The following CYP7B1 variants were observed in gnomAD, a reference collection of about 807,000 sequenced individuals.
The protein encoded by CYP7B1 is cytochrome P450 family 7 subfamily B member 1.
CYP7B1 carries 29 observed loss-of-function variants against 42.7 expected under a neutral mutation model. That is an observed-to-expected ratio of 0.68 (90% CI 0.51 to 0.93). The LOEUF (loss-of-function observed/expected upper bound fraction) is 0.93. Ranked by LOEUF, CYP7B1 falls within the 40% of genes least tolerant of loss-of-function variation. The pLI is 0.00. For missense variants in CYP7B1, 655 were observed against 600.5 expected (o/e 1.09, Z -0.95); for synonymous variants, 235 against 218.2 (o/e 1.08, Z -0.68).
At chr8:64,718,233 C>A (rs775925379) in intron 1 of CYP7B1, among the ~76,000 whole-genome samples, 9 of 151,952 alleles carry the variant, frequency 5.9e-5, no homozygotes, top group South Asian at 4.2e-4. Flanking sequence ...ATCATTAGCC[C>A]AAGAGTCAAT....
At chr8:64,640,521 T>G (rs756375411) in intron 1 of CYP7B1, among the ~76,000 whole-genome samples, 10 of 152,148 alleles carry the variant, frequency 6.6e-5, no homozygotes, top group Non-Finnish European at 8.8e-5. Context: ...TTTTTATCTT[T>G]GTATTTTCCA....
At chr8:64,782,170 A>T (rs1307905006) in intron 1 of CYP7B1, among the ~76,000 whole-genome samples, 2 of 152,166 alleles carry the variant, frequency 1.3e-5, no homozygotes, top group East Asian at 3.9e-4. Flanking sequence ...AGAAGGTCCC[A>T]GTGTAGGGAA....
intron 1 of CYP7B1, among the ~76,000 whole-genome samples, chr8:64,675,386 T>A (rs1806430515): frequency 6.6e-6 from 1 of 151,442 alleles, no homozygotes; most frequent in Non-Finnish European, 1.5e-5. Context: ...AATAAAACAA[T>A]GAAAACTGCA....
chr8:64,618,643 C>T (rs1373443646), intron 2 of CYP7B1, among the ~76,000 whole-genome samples: 1 of 150,672 alleles, frequency 6.6e-6, no homozygotes, highest in African/African-American at 2.5e-5. Flanking sequence ...CTCCTCTCTC[C>T]TATCCCCATC....
intron 1 of CYP7B1, among the ~76,000 whole-genome samples, chr8:64,789,417 A>C (rs1804581672): frequency 6.6e-6 from 1 of 152,216 alleles, no homozygotes; most frequent in South Asian, 2.1e-4. Flanking sequence ...CATATCTAGG[A>C]TCTTGATAAG....
chr8:64,796,167 G>A (rs183412219), intron 1 of CYP7B1, among the ~76,000 whole-genome samples: 5 of 152,308 alleles, frequency 3.3e-5, no homozygotes, highest in Non-Finnish European at 7.4e-5. Context: ...TTTTTATCAT[G>A]TTAGGAACAA....
chr8:64,756,897 T>C (rs755823747), intron 1 of CYP7B1, among the ~76,000 whole-genome samples: 1 of 152,210 alleles, frequency 6.6e-6, no homozygotes, highest in Non-Finnish European at 1.5e-5. Context: ...CATCTTCAGT[T>C]TGTGCTTACC....
At chr8:64,669,787 G>A (rs1000321707) in intron 1 of CYP7B1, among the ~76,000 whole-genome samples, 6 of 151,038 alleles carry the variant, frequency 4.0e-5, no homozygotes, top group African/African-American at 1.5e-4. Context: ...GGTTTCTTAT[G>A]TAATCATTAT....
downstream of CYP7B1, among the ~76,000 whole-genome samples, chr8:64,590,047 CATT>C (rs762054973): frequency 7.2e-5 from 11 of 152,180 alleles, no homozygotes; most frequent in Admixed American, 2.0e-4. Context: ...AGAAAATACA[CATT>C]ATTATTCACA....
intron 1 of CYP7B1, among the ~76,000 whole-genome samples, chr8:64,683,456 A>G (rs1372128135): frequency 6.6e-6 from 1 of 152,202 alleles, no homozygotes; most frequent in East Asian, 1.9e-4. Context: ...GGGTAGTGGG[A>G]GTTGTGGGGG....
intron 1 of CYP7B1, among the ~76,000 whole-genome samples, chr8:64,796,309 T>C (rs1563431742): frequency 6.6e-6 from 1 of 152,134 alleles, no homozygotes; most frequent in Non-Finnish European, 1.5e-5. Context: ...GCTGATTATA[T>C]AGAAAAAGAA....
At chr8:64,668,336 C>T (rs1173889558) in intron 1 of CYP7B1, among the ~76,000 whole-genome samples, 6 of 152,084 alleles carry the variant, frequency 3.9e-5, no homozygotes, top group Non-Finnish European at 8.8e-5. Flanking sequence ...GCAGTAAAAA[C>T]TTGTTGAACT....
At chr8:64,644,056 C>T (rs539128141) in intron 1 of CYP7B1, among the ~76,000 whole-genome samples, 8 of 152,076 alleles carry the variant, frequency 5.3e-5, no homozygotes, top group South Asian at 2.1e-4. Flanking sequence ...AGGTGGATCA[C>T]GAGGTCAGGA....
In CYP7B1 at chr8:64,593,641, C is replaced by T. The variant is rs1343480136; in HGVS notation, c.*3001G>A. ...CTCTCTTGAGGAATGAACTTTAAAT[C>T]TAGGTCTAAAGATTTTTCAGAGATA... On this transcript the variant is annotated 3_prime_UTR_variant, in exon 6 of 6. Transcript: ENST00000310193. 6.6e-6 allele frequency among the ~76,000 whole-genome samples: 1 copy of T among 152,098 alleles called. No individual in the cohort carries two copies. The highest frequency in any genetic ancestry group is 2.4e-5 in the African/African-American group (1 of 41,412).
intron 1 of CYP7B1, among the ~76,000 whole-genome samples, chr8:64,701,924 G>A (rs1323805453): frequency 6.6e-6 from 1 of 151,876 alleles, no homozygotes. Flanking sequence ...AAAATAAAAA[G>A]ACCAACCATT....
At chr8:64,736,552 G>C (rs2129633192) in intron 1 of CYP7B1, among the ~76,000 whole-genome samples, 1 of 152,240 alleles carries the variant, frequency 6.6e-6, no homozygotes, top group Non-Finnish European at 1.5e-5. Context: ...CTGGATTCAA[G>C]CAATTCTCCT....
At chr8:64,632,781 A>G (rs972752285) in intron 1 of CYP7B1, among the ~76,000 whole-genome samples, 1 of 152,114 alleles carries the variant, frequency 6.6e-6, no homozygotes, top group African/African-American at 2.4e-5. Context: ...AAGATCAGAA[A>G]CAAGGCAATA....
chr8:64,607,462 A>G (rs1265295217), intron 4 of CYP7B1, among the ~76,000 whole-genome samples: 3 of 152,030 alleles, frequency 2.0e-5, no homozygotes, highest in African/African-American at 7.2e-5. Context: ...CTAATTTGCT[A>G]TACTTAGTTC....
Position 64,631,432 on chromosome 8 carries a change from G to T in CYP7B1, c.123-6893C>A, listed in dbSNP as rs1034725050. Among the ~76,000 whole-genome samples, 4 of 152,004 alleles carry T rather than the reference G, an allele frequency of 2.6e-5. No individual in the cohort carries two copies. In the East Asian group the frequency reaches 7.7e-4, roughly 29 times the overall value. On this transcript the variant is annotated intron_variant, in intron 1 of 5. Transcript: ENST00000310193. ...AAAAATAAACTCAAAATGGAAAAAA[G>T]ACTTAAATGCAAGACCCAAAACTGT...
Sources: allele counts gnomAD v4.1 joint callset (sites outside exome capture counted in the v4.1 genomes callset), GRCh38; gene constraint gnomAD v4.1.1; transcripts MANE v1.5; gene names NCBI Gene and HGNC (gene_info 2026-07-23, HGNC 2026-07-21).